Variants in PSD3 observed in about 807,000 individuals in gnomAD.
The protein encoded by PSD3 is pleckstrin and Sec7 domain containing 3.
PSD3 carries 49 observed loss-of-function variants against 105.5 expected under a neutral mutation model. The ratio of observed to expected loss-of-function variants is 0.46; its 90% CI spans 0.37 to 0.59. PSD3 has a LOEUF of 0.59. Ranked by LOEUF, PSD3 falls within the 20% of genes least tolerant of loss-of-function variation. The pLI, the probability that PSD3 is intolerant of heterozygous loss-of-function variation, is 0.00. For synonymous variants in PSD3, 557 were observed against 457.8 expected (o/e 1.22, Z -2.77); for missense variants, 1,561 against 1,263.8 (o/e 1.24, Z -3.57).
intron 9 of PSD3, among the ~76,000 whole-genome samples, chr8:18,719,262 C>T (rs1279559156): frequency 2.0e-5 from 3 of 152,128 alleles, no homozygotes; most frequent in African/African-American, 7.2e-5. Flanking sequence ...CAGAGTTCCT[C>T]TAAACAAGAC....
intron 8 of PSD3, among the ~76,000 whole-genome samples, chr8:18,770,499 T>C (rs13276483): frequency 6.6e-6 from 1 of 152,028 alleles, no homozygotes; most frequent in Non-Finnish European, 1.5e-5. Flanking sequence ...CATGGGCAGA[T>C]ATGGGAGTAT....
chr8:18,721,171 TC>T (rs1482703016), intron 9 of PSD3: 1 of 151,924 alleles, frequency 6.6e-6, no homozygotes, highest in African/African-American at 2.4e-5. Context: ...CCCTGAAAAC[TC>T]ACTTCTGGCT....
At chr8:19,081,295 TGA>T (rs1829638585) in intron 1 of PSD3, among the ~76,000 whole-genome samples, 1 of 152,230 alleles carries the variant, frequency 6.6e-6, no homozygotes, top group African/African-American at 2.4e-5. Context: ...CCTAAAGTCT[TGA>T]GTGTCTTTCT....
At chr8:18,543,985 T>C (rs1470902196) in intron 15 of PSD3, among the ~76,000 whole-genome samples, 1 of 152,064 alleles carries the variant, frequency 6.6e-6, no homozygotes, top group Non-Finnish European at 1.5e-5. Flanking sequence ...ACTGCTCCTA[T>C]TTGCATTCAG....
At position 18,872,726 on chromosome 8, in the gene PSD3, A is replaced by T. The variant is rs775141996; in HGVS notation, c.138T>A (p.His46Gln). 1 of 1,556,382 alleles carries T rather than the reference A, an allele frequency of 6.4e-7. No individual in the cohort carries two copies. The highest frequency in any genetic ancestry group is 8.7e-7 in the Non-Finnish European group (1 of 1,154,366). Residue 46 changes from histidine to glutamine, a missense_variant, in exon 3 of 16, where the codon CAT becomes CAA. His to Gln is a conservative substitution (Grantham distance 24). Coordinates refer to ENST00000327040, the MANE Select transcript of PSD3 (RefSeq NM_015310.4). ...SEGKAPDTSDHGGSTLLPPNV... is the reference protein window; with the variant it reads ...SEGKAPDTSDQGGSTLLPPNV... ...TTGGTGGGAGTAAAGTGCTTCCTCCATGATCACCTGTGAAGAGAACACAAT... is the reference window on the plus strand; with the variant it reads ...TTGGTGGGAGTAAAGTGCTTCCTCCTTGATCACCTGTGAAGAGAACACAAT...
intron 1 of PSD3, among the ~76,000 whole-genome samples, chr8:18,938,538 G>A (rs992161634): frequency 2.0e-5 from 3 of 151,098 alleles, no homozygotes; most frequent in Admixed American, 2.0e-4. Flanking sequence ...CAGGAGAATC[G>A]CTTGAACCTG....
intron 2 of PSD3, among the ~76,000 whole-genome samples, chr8:18,904,143 G>C (rs2129461669): frequency 6.6e-6 from 1 of 152,292 alleles, no homozygotes; most frequent in African/African-American, 2.4e-5. Flanking sequence ...ACATGGCAAA[G>C]GGATAGCAGG....
At chr8:18,840,587 T>C (rs1367384018) in intron 4 of PSD3, among the ~76,000 whole-genome samples, 1 of 152,216 alleles carries the variant, frequency 6.6e-6, no homozygotes, top group Non-Finnish European at 1.5e-5. Context: ...TCCTGCGAAG[T>C]AGGTATTATT....
chr8:18,676,098 T>C (rs74612628), intron 9 of PSD3, among the ~76,000 whole-genome samples: 263 of 152,338 alleles, frequency 1.7e-3, no homozygotes, highest in Admixed American at 2.5e-3. Flanking sequence ...TATTTTTTTC[T>C]CTTTCGACTC....
chr8:18,970,981 G>GA lies in PSD3; in HGVS notation c.22-34840dup, dbSNP rs1007826299. On this transcript the variant is annotated intron_variant, in intron 1 of 15. Coordinates refer to ENST00000327040, the MANE Select transcript of PSD3 (RefSeq NM_015310.4). ...GTAAAAGAGCGAGACTCTGTCTCAA[G>GA]AAAAAAAAAAAAAGACAAAAAATTC... is the stretch of plus-strand genomic sequence containing the variant. 2.5e-3 allele frequency among the ~76,000 whole-genome samples: 337 copies of GA among 137,164 alleles called. 1 individual carries two copies. Among genetic ancestry groups the GA allele is most frequent in the South Asian group, 9.5e-3 (43 of 4,546 alleles). 90.0% of individuals were successfully genotyped at this position (137,164 alleles called of 152,430 possible). A position where few individuals can be genotyped will look rare whatever the true frequency, so the allele number is the denominator to read the frequency against.
At chr8:18,640,720 A>G (rs1345417795) in intron 10 of PSD3, among the ~76,000 whole-genome samples, 2 of 152,166 alleles carry the variant, frequency 1.3e-5, no homozygotes, top group Non-Finnish European at 2.9e-5. Flanking sequence ...GGACTAATAC[A>G]TCAGTAAGAC....
chr8:18,965,400 T>C (rs1015312514), intron 1 of PSD3, among the ~76,000 whole-genome samples: 3 of 152,204 alleles, frequency 2.0e-5, no homozygotes, highest in Non-Finnish European at 4.4e-5. Context: ...GTCCCCTCTA[T>C]GGAGCCATTC....
chr8:18,870,577 G>A (rs1817262156), intron 3 of PSD3, among the ~76,000 whole-genome samples: 1 of 151,862 alleles, frequency 6.6e-6, no homozygotes, highest in African/African-American at 2.4e-5. Flanking sequence ...AATACCTAAT[G>A]TAGATGACGG....
chr8:18,677,801 G>C (rs1800145518), intron 9 of PSD3, among the ~76,000 whole-genome samples: 2 of 152,208 alleles, frequency 1.3e-5, no homozygotes, highest in African/African-American at 2.4e-5. Flanking sequence ...ACGAGGTCAG[G>C]AGATCAAAAC....
intron 4 of PSD3, among the ~76,000 whole-genome samples, chr8:18,806,375 C>T (rs1811198453): frequency 6.6e-6 from 1 of 152,214 alleles, no homozygotes; most frequent in Admixed American, 6.5e-5. Flanking sequence ...ACGTTGAGAA[C>T]TCCGCCCTAG....
chr8:18,790,435 T>TGGGACTA (rs1027383427), intron 8 of PSD3, among the ~76,000 whole-genome samples: 1 of 151,700 alleles, frequency 6.6e-6, no homozygotes, highest in Non-Finnish European at 1.5e-5. Flanking sequence ...CCCAAGTAGC[T>TGGGACTA]GGGACTACAG....
At chr8:18,752,625 TTATA>T (rs376621151) in intron 9 of PSD3, among the ~76,000 whole-genome samples, 2 of 91,518 alleles carry the variant, frequency 2.2e-5, no homozygotes, top group East Asian at 5.8e-4. Flanking sequence ...ATAATATATA[TTATA>T]TATAATATAT....
chr8:18,804,638 G>C, intron 5 of PSD3, 36 bp from the exon 6 acceptor site: 1 of 1,611,124 alleles, frequency 6.2e-7, no homozygotes, highest in Middle Eastern at 1.7e-4. Context: ...TTATTGAAAG[G>C]TAAACTATTT....
intron 2 of PSD3, among the ~76,000 whole-genome samples, chr8:18,893,737 T>A (rs1280763537): frequency 7.0e-6 from 1 of 143,032 alleles, no homozygotes; most frequent in Non-Finnish European, 1.6e-5. Context: ...CAGAGCACAG[T>A]CTGGCCAACT....
Sources: allele counts gnomAD v4.1 joint callset (sites outside exome capture counted in the v4.1 genomes callset), GRCh38; gene constraint gnomAD v4.1.1; transcripts MANE v1.5; gene names NCBI Gene and HGNC (gene_info 2026-07-23, HGNC 2026-07-21).